CRB1: variants seen among roughly 807,000 people sequenced by gnomAD.
The protein encoded by CRB1 is protein crumbs homolog 1.
In CRB1, 83 loss-of-function variants were observed where a neutral mutation model predicts 120.0. The ratio of observed to expected loss-of-function variants is 0.69; its 90% CI spans 0.58 to 0.83. The LOEUF (loss-of-function observed/expected upper bound fraction) is 0.83. CRB1 is among the 40% of genes least tolerant of loss of function. The pLI is 0.00. For synonymous variants in CRB1, 625 were observed against 612.5 expected, an observed-to-expected ratio of 1.02 and a Z score of -0.30; for missense variants, 1,699 against 1,687.6, an observed-to-expected ratio of 1.01 and a Z score of -0.12.
chr1:197,434,766 A>T lies in CRB1; in HGVS notation c.2903A>T (p.Asn968Ile). Residue 968 changes from asparagine (N) to isoleucine (I), a missense_variant, in exon 9 of 12, where the codon AAT becomes ATT. Physicochemically the swap from Asn to Ile is moderately radical, Grantham distance 149. Transcript: ENST00000367400. ...CAAATATTATTCAGAAGCAATGGGAATATTACCAGAGAACTCACCAATATC... is the reference window on the plus strand; with the variant it reads ...CAAATATTATTCAGAAGCAATGGGATTATTACCAGAGAACTCACCAATATC... Reference protein sequence around the residue: ...SGQILFRSNGNITRELTNITF... With the variant: ...SGQILFRSNGIITRELTNITF... 2 of 1,613,706 alleles carry T rather than the reference A, an allele frequency of 1.2e-6. No individual in the cohort carries two copies. The highest frequency in any genetic ancestry group is 1.7e-6 in the Non-Finnish European group (2 of 1,179,692).
At chr1:197,301,550 A>G (rs937682231) in intron 1 of CRB1, among the ~76,000 whole-genome samples, 3 of 152,176 alleles carry the variant, frequency 2.0e-5, no homozygotes, top group African/African-American at 7.2e-5. Context: ...GGAAAAATCC[A>G]TTGCAAACCA....
At chr1:197,354,735 G>T (rs968007575) in intron 4 of CRB1, among the ~76,000 whole-genome samples, 4 of 138,040 alleles carry the variant, frequency 2.9e-5, no homozygotes, top group African/African-American at 8.0e-5. Context: ...AAAGCACAAA[G>T]CCTCCACAGT....
chr1:197,363,848 C>T (rs911429522), intron 5 of CRB1: 1 of 849,700 alleles, frequency 1.2e-6, no homozygotes, highest in Middle Eastern at 2.8e-4. Context: ...ATCACCAGGA[C>T]TGTGATGGTA....
At chr1:197,219,080 T>C in the CRB1 span, among the ~76,000 whole-genome samples, 3 of 152,168 alleles carry the variant, frequency 2.0e-5, no homozygotes, top group Admixed American at 2.0e-4. Context: ...AGGTTTGTCA[T>C]GGCCACTGAA....
chr1:197,338,985 G>A (rs1011832989), intron 2 of CRB1, among the ~76,000 whole-genome samples: 2 of 152,138 alleles, frequency 1.3e-5, no homozygotes, highest in South Asian at 2.1e-4. Context: ...AAAGGAGTCA[G>A]AATTGACAAA....
chr1:197,206,318 T>C, the CRB1 span, among the ~76,000 whole-genome samples: 2 of 152,176 alleles, frequency 1.3e-5, no homozygotes, highest in African/African-American at 2.4e-5. Flanking sequence ...TGTTCTTGTT[T>C]CTTTAGTTCC....
chr1:197,252,612 GTGAT>G, the CRB1 span, among the ~76,000 whole-genome samples: 18 of 112,084 alleles, frequency 1.6e-4, no homozygotes, highest in African/African-American at 3.4e-4. Flanking sequence ...GTGTGTGTGT[GTGAT>G]ATATATATGT....
intron 1 of CRB1, among the ~76,000 whole-genome samples, chr1:197,304,004 A>G (rs1260585527): frequency 2.6e-5 from 4 of 152,158 alleles, no homozygotes; most frequent in African/African-American, 9.7e-5. Flanking sequence ...AAATAAAAAC[A>G]TAATATTTTA....
At chr1:197,437,651 T>C (rs1474628779) in intron 9 of CRB1, among the ~76,000 whole-genome samples, 1 of 152,158 alleles carries the variant, frequency 6.6e-6, no homozygotes, top group African/African-American at 2.4e-5. Flanking sequence ...ATGATATCCT[T>C]CTTTTTAAAG....
intron 11 of CRB1, among the ~76,000 whole-genome samples, chr1:197,467,383 C>G (rs1666795720): frequency 6.6e-6 from 1 of 151,976 alleles, no homozygotes; most frequent in Non-Finnish European, 1.5e-5. Context: ...CACTTTACCA[C>G]TAAGTATTTT....
rs2125499116 is a variant in CRB1, at chr1:197,434,843, A to G, written c.2980A>G (p.Lys994Glu). The change falls in exon 9 of 12, where the codon AAA becomes GAA. Residue 994 changes from lysine to glutamate, a missense_variant. Coordinates refer to ENST00000367400, the MANE Select transcript of CRB1 (RefSeq NM_201253.3). ...AAATGTAATAATATTGCATGCAGAA[A>G]AAGAGCCTGAATTTCTTAATATTAG... ...DANVIILHAE[K>E]EPEFLNISIQ... is the part of the protein sequence containing the mutation. 1 of 1,613,874 alleles carries G rather than the reference A, an allele frequency of 6.2e-7. No individual in the cohort carries two copies. Among genetic ancestry groups the G allele is most frequent in the Non-Finnish European group, 8.5e-7 (1 of 1,179,814 alleles).
At chr1:197,438,703 A>G in intron 10 of CRB1, 28 bp downstream of exon 10, 1 of 1,609,944 alleles carries the variant, frequency 6.2e-7, no homozygotes, top group Non-Finnish European at 8.5e-7. Flanking sequence ...CTTCTGGAAG[A>G]GAATTCTGAG....
chr1:197,421,909 A>G lies in CRB1; in HGVS notation c.2081A>G (p.Tyr694Cys). ...CGCTGCATCAACTTGTGGCTGAGTT[A>G]CCAGTGTGACTGCCACAGGCCCTAT... is the stretch of plus-strand genomic sequence containing the variant. ...RGRCINLWLS[Y>C]QCDCHRPYEG... The change falls in exon 6 of 12, where the codon TAC (tyrosine) becomes TGC (cysteine). Residue 694 changes from tyrosine to cysteine, a missense_variant. Coordinates refer to ENST00000367400, the MANE Select transcript of CRB1 (RefSeq NM_201253.3). 6.2e-7 allele frequency: 1 copy of G among 1,614,214 alleles called. No individual in the cohort carries two copies. Among genetic ancestry groups the G allele is most frequent in the Non-Finnish European group, 8.5e-7 (1 of 1,180,034 alleles).
At chr1:197,284,803 T>C (rs528007270) in intron 1 of CRB1, among the ~76,000 whole-genome samples, 6 of 148,376 alleles carry the variant, frequency 4.0e-5, no homozygotes, top group African/African-American at 1.3e-4. Flanking sequence ...TATTCTGATA[T>C]TGTAATTTAA....
At chr1:197,216,099 GTTTCC>G in the CRB1 span, among the ~76,000 whole-genome samples, 1 of 152,114 alleles carries the variant, frequency 6.6e-6, no homozygotes, top group South Asian at 2.1e-4. Context: ...TGAATGTAGA[GTTTCC>G]TTTCCTTAGA....
intron 1 of CRB1, among the ~76,000 whole-genome samples, chr1:197,285,506 T>C (rs748588811): frequency 6.6e-6 from 1 of 151,904 alleles, no homozygotes; most frequent in Non-Finnish European, 1.5e-5. Flanking sequence ...CCTTGCCAGA[T>C]CTTCAGTTCG....
At chr1:197,428,241 A>G (rs1053730818) in intron 7 of CRB1, among the ~76,000 whole-genome samples, 1 of 152,220 alleles carries the variant, frequency 6.6e-6, no homozygotes, top group Non-Finnish European at 1.5e-5. Flanking sequence ...AACTTCGGCT[A>G]TAGGCTTCTC....
At chr1:197,464,977 C>G (rs1666691051) in intron 11 of CRB1, among the ~76,000 whole-genome samples, 1 of 152,284 alleles carries the variant, frequency 6.6e-6, no homozygotes, top group South Asian at 2.1e-4. Context: ...AGCAAAGGAA[C>G]AGAGTTCTTG....
intron 5 of CRB1, among the ~76,000 whole-genome samples, chr1:197,389,508 T>C (rs1291635322): frequency 6.6e-6 from 1 of 152,036 alleles, no homozygotes; most frequent in Non-Finnish European, 1.5e-5. Context: ...GAGTCAGAAA[T>C]TAGAATGGCG....
Sources: allele counts gnomAD v4.1 joint callset (sites outside exome capture counted in the v4.1 genomes callset), GRCh38; gene constraint gnomAD v4.1.1; transcripts MANE v1.5; gene names NCBI Gene and HGNC (gene_info 2026-07-23, HGNC 2026-07-21).